NDRG3: variants seen among roughly 807,000 people sequenced by gnomAD.
NDRG3 encodes NDRG family member 3.
A neutral mutation model predicts 57.2 loss-of-function variants in NDRG3; 23 were observed. The ratio of observed to expected loss-of-function variants is 0.40; its 90% CI spans 0.29 to 0.57. NDRG3 has a LOEUF of 0.57. Ranked by LOEUF, NDRG3 falls within the 20% of genes least tolerant of loss-of-function variation. The pLI is 0.42. For missense variants in NDRG3, 384 were observed against 457.3 expected, an observed-to-expected ratio of 0.84 and a Z score of 1.46; for synonymous variants, 132 against 162.6, an observed-to-expected ratio of 0.81 and a Z score of 1.43.
Position 36,653,281 on chromosome 20 carries a change from A to G in NDRG3, c.*239T>C. The G allele has an allele frequency of 2.3e-6, 1 of 442,272 alleles. No individual in the cohort carries two copies. The highest frequency in any genetic ancestry group is 3.6e-5 in the East Asian group (1 of 27,926). The allele number at this position is 442,272 out of a possible 1,614,324, so 27.4% of individuals were successfully genotyped here. ...AAAAAGCTGGCAAGAGAGGATATGG[A>G]GAGATCTGATCAGCTAAAGATGTTG... On this transcript the variant is annotated 3_prime_UTR_variant, in exon 16 of 16. Coordinates refer to ENST00000349004, the MANE Select transcript of NDRG3 (RefSeq NM_032013.4). The surrounding 1 kb of genome is among the most constrained non-coding windows in gnomAD (Gnocchi z 4.2).
At chr20:36,738,397 A>C (rs1199269642) in intron 1 of NDRG3, among the ~76,000 whole-genome samples, 1 of 151,706 alleles carries the variant, frequency 6.6e-6, no homozygotes, top group Admixed American at 6.6e-5. Flanking sequence ...CGAGAGACTG[A>C]GGCAGGAGAA....
chr20:36,681,978 G>A (rs749403013), intron 7 of NDRG3, among the ~76,000 whole-genome samples: 11 of 152,140 alleles, frequency 7.2e-5, no homozygotes, highest in Non-Finnish European at 1.5e-4. Context: ...GATCACAGGC[G>A]TGAGCCACCG....
intron 9 of NDRG3, among the ~76,000 whole-genome samples, chr20:36,668,927 T>C (rs887939800): frequency 5.3e-5 from 8 of 152,028 alleles, no homozygotes; most frequent in African/African-American, 1.9e-4. Context: ...CAGAGGCTTA[T>C]ATGAAGTAGT....
chr20:36,683,794 T>A (rs990125919), intron 6 of NDRG3, among the ~76,000 whole-genome samples: 1 of 151,426 alleles, frequency 6.6e-6, no homozygotes, highest in Admixed American at 6.6e-5. Context: ...GTCAGTGGAG[T>A]CTATCTCCAG....
At chr20:36,657,393 C>T (rs149167047) in intron 13 of NDRG3, among the ~76,000 whole-genome samples, 2 of 151,064 alleles carry the variant, frequency 1.3e-5, no homozygotes, top group African/African-American at 2.4e-5. Flanking sequence ...GAGGCTGACA[C>T]AGAAGAATCA....
intron 6 of NDRG3, among the ~76,000 whole-genome samples, chr20:36,683,335 C>T (rs1050153586): frequency 4.6e-5 from 7 of 151,344 alleles, no homozygotes; most frequent in African/African-American, 9.7e-5. Flanking sequence ...TAACTGAGAC[C>T]GGGGGCAGTG....
chr20:36,690,591 T>C (rs558364349), intron 3 of NDRG3, among the ~76,000 whole-genome samples: 1 of 56,214 alleles, frequency 1.8e-5, no homozygotes, highest in East Asian at 3.8e-4. Flanking sequence ...AGACAAAAGA[T>C]GCACCGAGCA....
intron 3 of NDRG3, among the ~76,000 whole-genome samples, chr20:36,689,979 C>G (rs575439326): frequency 6.6e-6 from 1 of 152,164 alleles, no homozygotes; most frequent in African/African-American, 2.4e-5. Context: ...CTCCGCCTCC[C>G]AAAGTGCTGA....
chr20:36,663,142 T>C (rs976877114), intron 12 of NDRG3, among the ~76,000 whole-genome samples: 6 of 152,204 alleles, frequency 3.9e-5, no homozygotes, highest in African/African-American at 1.2e-4. Flanking sequence ...ACTATAACCT[T>C]TTTACCTCTG....
At chr20:36,714,297 C>T (rs936719452) in intron 2 of NDRG3, among the ~76,000 whole-genome samples, 8 of 149,596 alleles carry the variant, frequency 5.3e-5, no homozygotes, top group Non-Finnish European at 7.4e-5. Flanking sequence ...CCCAGCTACT[C>T]GGGAGGCTGA....
intron 12 of NDRG3, 71 bp from the exon 13 acceptor site, chr20:36,660,455 G>C: frequency 8.6e-7 from 1 of 1,162,762 alleles, no homozygotes; most frequent in South Asian, 1.3e-5. Flanking sequence ...AGCTCGGTAT[G>C]AGAATCATCT....
At chr20:36,704,142 T>A (rs1983410106) in intron 3 of NDRG3, among the ~76,000 whole-genome samples, 1 of 152,118 alleles carries the variant, frequency 6.6e-6, no homozygotes, top group African/African-American at 2.4e-5. Context: ...AGTGGCAGGA[T>A]CTCAGCTCAC....
At chr20:36,682,851 A>C (rs1981428999) in intron 6 of NDRG3, among the ~76,000 whole-genome samples, 2 of 152,094 alleles carry the variant, frequency 1.3e-5, no homozygotes, top group Admixed American at 6.6e-5. Flanking sequence ...GCGGATCACG[A>C]GGTCAGCAGA....
At chr20:36,659,639 C>T (rs1004870783) in intron 13 of NDRG3, among the ~76,000 whole-genome samples, 11 of 152,078 alleles carry the variant, frequency 7.2e-5, no homozygotes, top group African/African-American at 1.2e-4. Context: ...CTTGCTCTGT[C>T]GCCCAGGCTA....
At position 36,700,046 on chromosome 20, in the gene NDRG3, G is replaced by A. The variant is rs182669069; in HGVS notation, c.93+6926C>T. Reference sequence around the variant, plus strand: ...GGAGAATTGCTTGAACCCAGGAGGCGGAGGTTTCAGTGAGCCAAGATCACA... The same window carrying A: ...GGAGAATTGCTTGAACCCAGGAGGCAGAGGTTTCAGTGAGCCAAGATCACA... On this transcript the variant is annotated intron_variant, in intron 3 of 15. Coordinates refer to ENST00000349004, the MANE Select transcript of NDRG3 (RefSeq NM_032013.4). 1.3e-4 allele frequency among the ~76,000 whole-genome samples: 19 copies of A among 150,800 alleles called. No homozygotes were observed. The East Asian group carries it at 2.5e-3, about 20-fold the overall frequency.
At chr20:36,716,431 G>C (rs1427569436) in intron 2 of NDRG3, among the ~76,000 whole-genome samples, 1 of 151,348 alleles carries the variant, frequency 6.6e-6, no homozygotes, top group East Asian at 2.0e-4. Flanking sequence ...TACTTGGGAG[G>C]CTGAGGCAGA....
chr20:36,693,446 T>C (rs1434047686), intron 3 of NDRG3, among the ~76,000 whole-genome samples: 1 of 151,334 alleles, frequency 6.6e-6, no homozygotes, highest in Non-Finnish European at 1.5e-5. Context: ...ATAACATAAA[T>C]AGCTAACTAA....
intron 3 of NDRG3, among the ~76,000 whole-genome samples, chr20:36,691,178 G>T (rs1179254690): frequency 6.6e-6 from 1 of 152,150 alleles, no homozygotes; most frequent in Admixed American, 6.5e-5. Context: ...CCTCATAAGA[G>T]CTTTGGTTTC....
At chr20:36,667,928 TATA>T (rs1158922142) in intron 9 of NDRG3, among the ~76,000 whole-genome samples, 1 of 152,050 alleles carries the variant, frequency 6.6e-6, no homozygotes, top group African/African-American at 2.4e-5. Context: ...CTAAAGGTAT[TATA>T]ATAAGAAAAG....
Sources: allele counts gnomAD v4.1 joint callset (sites outside exome capture counted in the v4.1 genomes callset), GRCh38; gene constraint gnomAD v4.1.1; non-coding constraint Gnocchi (gnomAD v3.1); transcripts MANE v1.5; gene names NCBI Gene and HGNC (gene_info 2026-07-23, HGNC 2026-07-21).